Variants in TBC1D5 observed in about 807,000 individuals in gnomAD.
The protein encoded by TBC1D5 is TBC1 domain family member 5.
In TBC1D5, 75 loss-of-function variants were observed where a neutral mutation model predicts 100.3. The observed-to-expected ratio is 0.75, with a 90% CI of 0.62 to 0.91. The LOEUF (loss-of-function observed/expected upper bound fraction) is 0.91. Among genes scored for constraint, TBC1D5 ranks in the 40% least tolerant of loss-of-function variants. The pLI, the probability that TBC1D5 is intolerant of heterozygous loss-of-function variation, is 0.00. For synonymous variants in TBC1D5, 323 were observed against 325.6 expected (o/e 0.99, Z 0.09); for missense variants, 910 against 942.4 (o/e 0.97, Z 0.45).
At chr3:17,608,018 TG>T (rs778402087) in intron 2 of TBC1D5, among the ~76,000 whole-genome samples, 22 of 152,150 alleles carry the variant, frequency 1.4e-4, no homozygotes, top group Non-Finnish European at 2.9e-4. Flanking sequence ...TAATACACAA[TG>T]GTGACACATT....
intron 3 of TBC1D5, among the ~76,000 whole-genome samples, chr3:17,502,544 G>A (rs1454206363): frequency 3.4e-5 from 5 of 149,228 alleles, no homozygotes; most frequent in Non-Finnish European, 7.4e-5. Context: ...CTATTATGAG[G>A]TAATCACAAT....
chr3:17,387,250 A>C (rs1314820843), intron 8 of TBC1D5, among the ~76,000 whole-genome samples: 1 of 152,162 alleles, frequency 6.6e-6, no homozygotes, highest in African/African-American at 2.4e-5. Context: ...ATCCAGTCCA[A>C]CTCAGAGATT....
chr3:17,255,175 G>A (rs574663517), intron 16 of TBC1D5, among the ~76,000 whole-genome samples: 7 of 152,180 alleles, frequency 4.6e-5, no homozygotes, highest in African/African-American at 1.7e-4. Flanking sequence ...GCAGACCATG[G>A]CAAGAGACAG....
intron 9 of TBC1D5, 45 bp downstream of exon 9, chr3:17,383,868 A>G: frequency 6.7e-7 from 1 of 1,484,574 alleles, no homozygotes; most frequent in Non-Finnish European, 9.3e-7. Context: ...AGCTGTATAG[A>G]AAATTTTGAG....
At chr3:17,548,373 G>A (rs570041330) in intron 2 of TBC1D5, among the ~76,000 whole-genome samples, 1 of 152,038 alleles carries the variant, frequency 6.6e-6, no homozygotes, top group African/African-American at 2.4e-5. Context: ...CATACCTGAT[G>A]GCAATCACTT....
At chr3:17,550,841 T>C (rs948921392) in intron 2 of TBC1D5, among the ~76,000 whole-genome samples, 2 of 152,168 alleles carry the variant, frequency 1.3e-5, no homozygotes, top group Non-Finnish European at 2.9e-5. Flanking sequence ...CAATAAACTG[T>C]CATCACCCTG....
chr3:17,344,870 A>AAAGC (rs1162437708), intron 13 of TBC1D5, among the ~76,000 whole-genome samples: 1 of 152,198 alleles, frequency 6.6e-6, no homozygotes, highest in African/African-American at 2.4e-5. Flanking sequence ...CCATATGTAG[A>AAAGC]AAGCTGAAAC....
At chr3:17,440,203 AG>A (rs2094622124) in intron 3 of TBC1D5, among the ~76,000 whole-genome samples, 4 of 152,206 alleles carry the variant, frequency 2.6e-5, no homozygotes, top group Admixed American at 2.6e-4. Flanking sequence ...CATATGAATG[AG>A]GGGGTGGATA....
chr3:17,554,889 C>T (rs1226368924), intron 2 of TBC1D5, among the ~76,000 whole-genome samples: 4 of 149,976 alleles, frequency 2.7e-5, no homozygotes, highest in Admixed American at 6.7e-5. Context: ...CTCACTCTGT[C>T]GCCAGGCTGG....
intron 14 of TBC1D5, among the ~76,000 whole-genome samples, chr3:17,292,444 T>A (rs1292798667): frequency 1.3e-5 from 2 of 152,210 alleles, no homozygotes; most frequent in Non-Finnish European, 2.9e-5. Context: ...TACATTTTCT[T>A]TTGTATAGGT....
chr3:17,612,824 AAC>A (rs1299369922), intron 2 of TBC1D5, among the ~76,000 whole-genome samples: 6 of 152,192 alleles, frequency 3.9e-5, no homozygotes, highest in African/African-American at 9.6e-5. Context: ...ACGAAAAAAA[AAC>A]AGTTACACTT....
At chr3:17,601,113 C>T (rs115763416) in intron 2 of TBC1D5, among the ~76,000 whole-genome samples, 2,524 of 152,312 alleles carry the variant, frequency 0.017, 52 homozygotes, top group South Asian at 0.048. Context: ...GAAGATTGGT[C>T]ACCTATTCTA....
chr3:17,731,756 G>A (rs1211456864), intron 1 of TBC1D5, among the ~76,000 whole-genome samples: 1 of 152,088 alleles, frequency 6.6e-6, no homozygotes, highest in Non-Finnish European at 1.5e-5. Flanking sequence ...GCCTGTACAT[G>A]AGGATGTAGA....
chr3:17,514,271 T>G (rs796801673), intron 2 of TBC1D5, among the ~76,000 whole-genome samples: 39 of 152,250 alleles, frequency 2.6e-4, no homozygotes, highest in African/African-American at 8.7e-4. Context: ...CAACAGGGGG[T>G]CTGTTTCTCA....
intron 8 of TBC1D5, among the ~76,000 whole-genome samples, chr3:17,396,639 A>G (rs530280850): frequency 1.3e-4 from 20 of 152,110 alleles, no homozygotes; most frequent in Non-Finnish European, 2.8e-4. Flanking sequence ...TATGCTTAAC[A>G]TAGAAAAAAA....
chr3:17,724,778 T>A (rs1404020319), intron 1 of TBC1D5, among the ~76,000 whole-genome samples: 1 of 152,200 alleles, frequency 6.6e-6, no homozygotes, highest in Non-Finnish European at 1.5e-5. Flanking sequence ...TTATGTAATA[T>A]GTGTATGTGT....
intron 18 of TBC1D5, among the ~76,000 whole-genome samples, chr3:17,203,919 G>A (rs2071807545): frequency 6.6e-6 from 1 of 152,162 alleles, no homozygotes; most frequent in Non-Finnish European, 1.5e-5. Context: ...GGGTATAGAA[G>A]CTCTAGCTAT....
chr3:17,289,056 C>A (rs1411597251), intron 15 of TBC1D5, among the ~76,000 whole-genome samples: 1 of 152,234 alleles, frequency 6.6e-6, no homozygotes, highest in Non-Finnish European at 1.5e-5. Context: ...GTTGTGGGCA[C>A]CCCTGCCTGG....
At chr3:17,469,730 G>C (rs889006250) in intron 3 of TBC1D5, among the ~76,000 whole-genome samples, 2 of 152,166 alleles carry the variant, frequency 1.3e-5, no homozygotes, top group African/African-American at 4.8e-5. Context: ...TTTTATGCCT[G>C]CAAGGCATGT....
Sources: allele counts gnomAD v4.1 joint callset (sites outside exome capture counted in the v4.1 genomes callset), GRCh38; gene constraint gnomAD v4.1.1; transcripts MANE v1.5; gene names NCBI Gene and HGNC (gene_info 2026-07-23, HGNC 2026-07-21).